The following EYS variants were observed in gnomAD, a reference collection of about 807,000 sequenced individuals.
The protein encoded by EYS is EGF-like photoreceptor maintenance factor.
In EYS, 250 loss-of-function variants were observed where a neutral mutation model predicts 282.1. The observed-to-expected ratio is 0.89, with a 90% CI of 0.80 to 0.98. The LOEUF (loss-of-function observed/expected upper bound fraction) is 0.98, where lower values mean the gene tolerates loss of function less well. Among genes scored for constraint, EYS ranks in the 50% least tolerant of loss-of-function variants. The probability of loss-of-function intolerance (pLI) is 0.00; values close to 1 mark genes in which losing one functional copy is unlikely to be tolerated. For synonymous variants in EYS, 1,355 were observed against 1,282.9 expected, an observed-to-expected ratio of 1.06 and a Z score of -1.20; for missense variants, 4,016 against 3,709.0, an observed-to-expected ratio of 1.08 and a Z score of -2.15.
rs1042832667 is a variant in EYS at position 64,822,547 on chromosome 6, G to A, written c.3164+104C>T. On this transcript the variant is annotated intron_variant, in intron 20 of 42. Coordinates refer to ENST00000503581, the MANE Select transcript of EYS (RefSeq NM_001142800.2). ...TGTACTTAGCTCTTGTTTTATGAAA[G>A]AGCATAATTAAAATTATCTTTATCA... The A allele has an allele frequency of 1.1e-5, 11 of 979,024 alleles. No individual in the cohort carries two copies. In the Middle Eastern group the frequency reaches 9.9e-4, roughly 88 times the overall value. 60.6% of individuals were successfully genotyped at this position (979,024 alleles called of 1,614,324 possible).
Position 64,857,802 on chromosome 6 carries a change from A to T in EYS, c.2992+28895T>A, listed in dbSNP as rs544128912. Among the ~76,000 whole-genome samples, 7 of 152,248 alleles carry T rather than the reference A, an allele frequency of 4.6e-5. 1 individual carries two copies. The highest frequency in any genetic ancestry group is 1.7e-4 in the African/African-American group (7 of 41,568). ...TTCTTTTTTGTTTTAAATAAAAGCC[A>T]TTCTAATGAGAGAGAATTAATTGTG... is the stretch of plus-strand genomic sequence containing the variant. On this transcript the variant is annotated intron_variant, in intron 19 of 42. Transcript: ENST00000503581.
rs2150076931 is a variant in EYS, at chr6:64,912,719, A to G, written c.2406T>C (p.Thr802=). 6.9e-7 allele frequency: 1 copy of G among 1,443,396 alleles called. No individual in the cohort carries two copies. Among genetic ancestry groups the G allele is most frequent in the Non-Finnish European group, 9.2e-7 (1 of 1,090,500 alleles). The allele number at this position is 1,443,396 out of a possible 1,614,324, so 89.4% of individuals were successfully genotyped here. Residue 802 remains threonine (T), a synonymous_variant, in exon 16 of 43, where the codon ACT becomes ACC. Coordinates refer to ENST00000503581, the MANE Select transcript of EYS (RefSeq NM_001142800.2). ...TTATTTCTTCACTACAGTTCTGTCC[A>G]GTCCATCCAGATGTACACTCACATC... ...SYRCECTSGW[T]GQNCSEEINE...
intron 35 of EYS, among the ~76,000 whole-genome samples, chr6:63,978,995 A>G (rs1322071848): frequency 6.6e-6 from 1 of 152,002 alleles, no homozygotes; most frequent in African/African-American, 2.4e-5. Context: ...CTGAATGCTA[A>G]ACAAATACAT....
intron 36 of EYS, among the ~76,000 whole-genome samples, chr6:63,825,073 G>A (rs1164474135): frequency 6.6e-6 from 1 of 152,172 alleles, no homozygotes; most frequent in East Asian, 1.9e-4. Context: ...GGCATGGTGG[G>A]AGTGAGACTG....
chr6:63,791,688 G>C (rs1348224227), intron 37 of EYS, among the ~76,000 whole-genome samples: 1 of 152,042 alleles, frequency 6.6e-6, no homozygotes, highest in Non-Finnish European at 1.5e-5. Context: ...ATATCTTTAA[G>C]GGTCTAATAT....
chr6:64,995,516 T>C (rs1160822050), intron 14 of EYS, among the ~76,000 whole-genome samples: 1 of 152,166 alleles, frequency 6.6e-6, no homozygotes, highest in Non-Finnish European at 1.5e-5. Context: ...AGCTTTAATA[T>C]TTTAAGCAAT....
intron 1 of EYS, among the ~76,000 whole-genome samples, chr6:65,699,259 T>C (rs927750583): frequency 6.6e-6 from 1 of 152,186 alleles, no homozygotes; most frequent in Non-Finnish European, 1.5e-5. Context: ...TATAATGAAG[T>C]TGAAGTTTCA....
intron 35 of EYS, among the ~76,000 whole-genome samples, chr6:63,923,113 T>C (rs895541690): frequency 6.6e-6 from 1 of 152,208 alleles, no homozygotes; most frequent in Non-Finnish European, 1.5e-5. Flanking sequence ...TAGGCTGTTA[T>C]AGGATGCTGT....
At position 65,660,964 on chromosome 6, in the gene EYS, G is replaced by A. The variant is rs145152100; in HGVS notation, c.-447-21072C>T. On this transcript the variant is annotated intron_variant, in intron 1 of 42. Coordinates refer to ENST00000503581, the MANE Select transcript of EYS (RefSeq NM_001142800.2). ...TTATGATAATGATGATAATAAAAGC[G>A]ATATTTAATAATATAAATTGTACCT... Among the ~76,000 whole-genome samples, 13 of 151,906 alleles carry A rather than the reference G, an allele frequency of 8.6e-5. No individual in the cohort carries two copies. In the East Asian group the frequency reaches 1.9e-3, roughly 23 times the overall value.
At chr6:64,168,577 T>C (rs75517012) in intron 31 of EYS, among the ~76,000 whole-genome samples, 4,278 of 152,264 alleles carry the variant, frequency 0.028, 66 homozygotes, top group Non-Finnish European at 0.045. Flanking sequence ...ATCCATACCA[T>C]AGAATACTAC....
At chr6:64,459,111 T>A (rs1775660236) in intron 26 of EYS, among the ~76,000 whole-genome samples, 1 of 152,214 alleles carries the variant, frequency 6.6e-6, no homozygotes, top group Non-Finnish European at 1.5e-5. Flanking sequence ...GAATTATGTT[T>A]TTAAAAAATA....
intron 2 of EYS, among the ~76,000 whole-genome samples, chr6:65,562,368 A>C (rs1769097719): frequency 6.6e-6 from 1 of 152,058 alleles, no homozygotes; most frequent in Admixed American, 6.6e-5. Flanking sequence ...GAGTTAATAT[A>C]TTTTAATAGT....
At chr6:63,913,841 AAT>A (rs1764345690) in intron 35 of EYS, among the ~76,000 whole-genome samples, 1 of 152,172 alleles carries the variant, frequency 6.6e-6, no homozygotes. Flanking sequence ...CATTGCAGAT[AAT>A]GTGTTTTTTT....
chr6:63,929,850 T>C (rs1330166453), intron 35 of EYS, among the ~76,000 whole-genome samples: 1 of 152,200 alleles, frequency 6.6e-6, no homozygotes, highest in African/African-American at 2.4e-5. Flanking sequence ...TCAAATTCTG[T>C]TAATTTTATG....
At chr6:64,287,566 A>T (rs1029333469) in intron 30 of EYS, among the ~76,000 whole-genome samples, 1 of 152,036 alleles carries the variant, frequency 6.6e-6, no homozygotes, top group African/African-American at 2.4e-5. Flanking sequence ...GAAAAGTTCT[A>T]CCCTTTGCAA....
chr6:65,465,822 A>G (rs188599494), intron 5 of EYS, among the ~76,000 whole-genome samples: 23 of 152,070 alleles, frequency 1.5e-4, no homozygotes, highest in Admixed American at 4.6e-4. Context: ...ACTCTACAAA[A>G]TTTTTTAAAT....
intron 1 of EYS, among the ~76,000 whole-genome samples, chr6:65,684,672 G>T (rs1460321100): frequency 6.6e-6 from 1 of 151,960 alleles, no homozygotes; most frequent in African/African-American, 2.4e-5. Context: ...GGAGAGAAGG[G>T]TCAGCAGTTA....
intron 14 of EYS, among the ~76,000 whole-genome samples, chr6:64,962,816 A>G (rs1357038228): frequency 6.6e-6 from 1 of 152,186 alleles, no homozygotes; most frequent in African/African-American, 2.4e-5. Context: ...TGAATAGATT[A>G]CCGAAGAGTA....
At chr6:64,807,202 A>G (rs1764457449) in intron 22 of EYS, among the ~76,000 whole-genome samples, 1 of 152,116 alleles carries the variant, frequency 6.6e-6, no homozygotes, top group African/African-American at 2.4e-5. Flanking sequence ...ATGATATCTG[A>G]CTATAAATAT....
Sources: gnomAD v4.1 joint callset for allele counts (sites outside exome capture counted in the v4.1 genomes callset) on GRCh38, gnomAD v4.1.1 for gene constraint, MANE v1.5 for transcripts, NCBI Gene and HGNC (gene_info 2026-07-23, HGNC 2026-07-21) for gene names.